Variants in GRM5 observed in about 807,000 individuals in gnomAD.
GRM5 encodes the protein metabotropic glutamate receptor 5.
Under a neutral mutation model 83.1 loss-of-function variants are expected in GRM5, and 19 were observed. The observed-to-expected ratio is 0.23, with a 90% CI of 0.16 to 0.34. The LOEUF (loss-of-function observed/expected upper bound fraction) is 0.34. Ranked by LOEUF, GRM5 falls within the 10% of genes least tolerant of loss-of-function variation. The pLI is 1.00. For synonymous variants in GRM5, 675 were observed against 633.6 expected, an observed-to-expected ratio of 1.07 and a Z score of -0.98; for missense variants, 1,160 against 1,588.3, an observed-to-expected ratio of 0.73 and a Z score of 4.58.
intron 8 of GRM5, among the ~76,000 whole-genome samples, chr11:88,548,766 T>A (rs1942436592): frequency 6.6e-6 from 1 of 152,226 alleles, no homozygotes; most frequent in Non-Finnish European, 1.5e-5. Flanking sequence ...CTTGGAAAGT[T>A]GACTTATTCT....
At chr11:88,721,213 A>T (rs1941531376) in intron 3 of GRM5, among the ~76,000 whole-genome samples, 1 of 152,110 alleles carries the variant, frequency 6.6e-6, no homozygotes, top group African/African-American at 2.4e-5. Context: ...CGTTGGCTAT[A>T]ACAGTGAATA....
chr11:89,030,437 C>T (rs1316406732), intron 2 of GRM5, among the ~76,000 whole-genome samples: 1 of 152,016 alleles, frequency 6.6e-6, no homozygotes, highest in Non-Finnish European at 1.5e-5. Context: ...ATCATAAGGC[C>T]ATGTGAGGTT....
chr11:88,813,920 A>G (rs983121008), intron 3 of GRM5, among the ~76,000 whole-genome samples: 3 of 152,032 alleles, frequency 2.0e-5, no homozygotes, highest in Non-Finnish European at 4.4e-5. Context: ...AATTTTTACA[A>G]TAATACTTTC....
chr11:88,813,999 TGGA>T (rs1943628772), intron 3 of GRM5, among the ~76,000 whole-genome samples: 1 of 152,192 alleles, frequency 6.6e-6, no homozygotes, highest in Admixed American at 6.5e-5. Flanking sequence ...AGTTGCTTAT[TGGA>T]TGTAATAGTA....
intron 2 of GRM5, among the ~76,000 whole-genome samples, chr11:89,020,694 A>G (rs1940962665): frequency 6.6e-6 from 1 of 152,200 alleles, no homozygotes; most frequent in African/African-American, 2.4e-5. Context: ...TGATGAATTA[A>G]TGATCCATTA....
intron 3 of GRM5, among the ~76,000 whole-genome samples, chr11:88,815,912 C>A (rs1943668947): frequency 6.6e-6 from 1 of 151,922 alleles, no homozygotes; most frequent in East Asian, 1.9e-4. Context: ...CAGCCCCTGC[C>A]TTAAGAAATT....
At chr11:88,993,979 A>C (rs1940085387) in intron 2 of GRM5, among the ~76,000 whole-genome samples, 1 of 152,118 alleles carries the variant, frequency 6.6e-6, no homozygotes, top group South Asian at 2.1e-4. Flanking sequence ...TGGCCTCCGA[A>C]AGTACTGGGA....
rs191578341 is a variant in GRM5 at position 88,798,434 on chromosome 11, A to G, written c.911+51472T>C. Among the ~76,000 whole-genome samples the G allele has an allele frequency of 1.6e-3, 244 of 152,258 alleles. 2 individuals carry two copies. The highest frequency in any genetic ancestry group is 1.8e-4 in the Non-Finnish European group (12 of 68,008). On this transcript the variant is annotated intron_variant, in intron 3 of 9. Coordinates refer to ENST00000305447, the MANE Select transcript of GRM5 (RefSeq NM_001143831.3). ...TATTACACAGAAAACACTTTTGTAG[A>G]ATGAATAAATGGGACTTTATAATAC...
intron 8 of GRM5, among the ~76,000 whole-genome samples, chr11:88,538,583 A>G (rs538109108): frequency 1.1e-4 from 16 of 152,334 alleles, no homozygotes; most frequent in African/African-American, 3.4e-4. Flanking sequence ...AAAGAGAGAT[A>G]GGTAGTTTTC....
chr11:88,594,838 A>G (rs1937755261), intron 6 of GRM5, among the ~76,000 whole-genome samples: 2 of 152,216 alleles, frequency 1.3e-5, no homozygotes, highest in African/African-American at 2.4e-5. Flanking sequence ...CAATGGCTCT[A>G]GGAATACACT....
intron 2 of GRM5, among the ~76,000 whole-genome samples, chr11:88,959,486 CTT>C (rs1210823662): frequency 2.6e-5 from 4 of 151,944 alleles, no homozygotes; most frequent in East Asian, 1.9e-4. Context: ...TTCTAAATAA[CTT>C]TATTTTTATC....
chr11:89,040,976 C>T (rs201540987), intron 2 of GRM5, among the ~76,000 whole-genome samples: 2 of 152,152 alleles, frequency 1.3e-5, no homozygotes, highest in East Asian at 3.9e-4. Context: ...TCAAGCTGTA[C>T]ACTGGAACAT....
At chr11:88,844,472 G>A (rs1944264296) in intron 3 of GRM5, among the ~76,000 whole-genome samples, 1 of 152,096 alleles carries the variant, frequency 6.6e-6, no homozygotes, top group Non-Finnish European at 1.5e-5. Flanking sequence ...GTCTGATGGA[G>A]ACATACATGG....
intron 2 of GRM5, among the ~76,000 whole-genome samples, chr11:88,957,427 A>G (rs1418913959): frequency 1.3e-5 from 2 of 152,224 alleles, no homozygotes; most frequent in African/African-American, 4.8e-5. Context: ...ATTAAGTGAG[A>G]AAACAAGCTG....
intron 2 of GRM5, among the ~76,000 whole-genome samples, chr11:88,891,432 G>T (rs1051119003): frequency 6.6e-6 from 1 of 151,976 alleles, no homozygotes; most frequent in Non-Finnish European, 1.5e-5. Flanking sequence ...TTCCTGATGC[G>T]TGGCTTTCTA....
chr11:89,042,772 G>C (rs368618729), intron 2 of GRM5, among the ~76,000 whole-genome samples: 1 of 151,564 alleles, frequency 6.6e-6, no homozygotes, highest in African/African-American at 2.4e-5. Flanking sequence ...TCATACTGAA[G>C]TTCCTTCAAT....
At chr11:88,807,163 T>C (rs1943512376) in intron 3 of GRM5, among the ~76,000 whole-genome samples, 1 of 152,116 alleles carries the variant, frequency 6.6e-6, no homozygotes, top group Non-Finnish European at 1.5e-5. Flanking sequence ...CCATAAACCT[T>C]GACATAGACA....
chr11:89,025,667 GA>G (rs1779148607), intron 2 of GRM5, among the ~76,000 whole-genome samples: 1 of 152,082 alleles, frequency 6.6e-6, no homozygotes, highest in Non-Finnish European at 1.5e-5. Context: ...AGGGAAGGAG[GA>G]AAAGAAATGG....
chr11:88,627,025 C>G (rs1938817056), intron 4 of GRM5, among the ~76,000 whole-genome samples: 2 of 152,172 alleles, frequency 1.3e-5, no homozygotes, highest in Admixed American at 6.5e-5. Flanking sequence ...TTATGGCAGC[C>G]CAAGCTGACT....
Sources: gnomAD v4.1 joint callset for allele counts (sites outside exome capture counted in the v4.1 genomes callset) on GRCh38, gnomAD v4.1.1 for gene constraint, MANE v1.5 for transcripts, NCBI Gene and HGNC (gene_info 2026-07-23, HGNC 2026-07-21) for gene names.